CCDC88A: variants seen among roughly 807,000 people sequenced by gnomAD.
CCDC88A encodes coiled-coil and HOOK domain protein 88A.
A neutral mutation model predicts 234.3 loss-of-function variants in CCDC88A; 54 were observed. The observed-to-expected ratio is 0.23, with a 90% confidence interval of 0.19 to 0.29. The LOEUF (loss-of-function observed/expected upper bound fraction) is 0.29, where lower values mean the gene tolerates loss of function less well. CCDC88A is among the 10% of genes least tolerant of loss of function. The pLI is 1.00. For synonymous variants in CCDC88A, 753 were observed against 737.8 expected (o/e 1.02, Z -0.33); for missense variants, 1,832 against 2,123.4 (o/e 0.86, Z 2.70).
chr2:55,378,819 C>T (rs916166209), intron 3 of CCDC88A, among the ~76,000 whole-genome samples: 1 of 151,110 alleles, frequency 6.6e-6, no homozygotes, highest in African/African-American at 2.4e-5. Flanking sequence ...GTTCTTGGCT[C>T]ACTGCAACCT....
intron 2 of CCDC88A, among the ~76,000 whole-genome samples, chr2:55,398,556 A>T (rs1017840277): frequency 3.3e-5 from 5 of 152,114 alleles, no homozygotes; most frequent in African/African-American, 1.2e-4. Flanking sequence ...AGGCCTTTTC[A>T]CCCTAAGGAT....
At chr2:55,295,500 G>A in intron 31 of CCDC88A, 97 bp downstream of exon 31, 1 of 1,605,014 alleles carries the variant, frequency 6.2e-7, no homozygotes, top group Non-Finnish European at 8.5e-7. Flanking sequence ...TAGAGGCTCA[G>A]GCATGTCTAT....
chr2:55,318,621 C>A (rs12105322), intron 19 of CCDC88A, among the ~76,000 whole-genome samples: 13,328 of 151,880 alleles, frequency 0.088, 1,375 homozygotes, highest in African/African-American at 0.25. Flanking sequence ...GGTAGAAAGA[C>A]CATAAATATA....
At chr2:55,324,342 G>T (rs541900114) in intron 17 of CCDC88A, 4 of 152,228 alleles carry the variant, frequency 2.6e-5, no homozygotes, top group African/African-American at 7.2e-5. Flanking sequence ...ATATCAACAT[G>T]ACAGAACACT....
chr2:55,399,402 G>A (rs1678209301), intron 2 of CCDC88A, among the ~76,000 whole-genome samples: 1 of 151,800 alleles, frequency 6.6e-6, no homozygotes, highest in South Asian at 2.1e-4. Flanking sequence ...GGTGGTGGGT[G>A]CCTGTAATCC....
In CCDC88A at chr2:55,372,501, G is replaced by A; in HGVS notation, c.353C>T (p.Thr118Ile). 1.3e-6 allele frequency: 2 copies of A among 1,493,484 alleles called. No homozygotes were observed. Among genetic ancestry groups the A allele is most frequent in the Non-Finnish European group, 1.9e-6 (2 of 1,075,678 alleles). The allele number at this position is 1,493,484 out of a possible 1,614,324, so 92.5% of individuals were successfully genotyped here. Residue 118 changes from threonine (T) to isoleucine (I), a missense_variant, in exon 5 of 33, where the codon ACA (threonine) becomes ATA (isoleucine). Physicochemically the swap from Thr to Ile is moderately conservative, Grantham distance 89. This residue lies in a region of CCDC88A where 84 missense variants were observed against 80.9 expected (regional missense o/e 1.04). Transcript: ENST00000436346. ...IGKNPFSEQGTEEVKKLLLLL... is the reference protein window; with the variant it reads ...IGKNPFSEQGIEEVKKLLLLL... ...TAAAAGCAGTTTTTTAACTTCTTCT[G>A]TGCCTTGTTCTAAAATAGAAACAAT... is the stretch of plus-strand genomic sequence containing the variant.
Position 55,419,397 on chromosome 2 carries a change from A to C in CCDC88A, c.-318T>G. The C allele has an allele frequency of 3.1e-6, 1 of 326,052 alleles. No individual in the cohort carries two copies. 20.2% of individuals were successfully genotyped at this position (326,052 alleles called of 1,614,324 possible). On this transcript the variant is annotated 5_prime_UTR_variant, in exon 1 of 33. Transcript: ENST00000436346. Reference sequence around the variant, plus strand: ...AAAGGGGGCTGGAACCCAAGACAAAAAGCCCGTCAAGGTTGTCCAGCTCCT... The same window carrying C: ...AAAGGGGGCTGGAACCCAAGACAAACAGCCCGTCAAGGTTGTCCAGCTCCT...
intron 3 of CCDC88A, among the ~76,000 whole-genome samples, chr2:55,380,223 G>A (rs998226486): frequency 2.6e-5 from 4 of 151,968 alleles, no homozygotes; most frequent in Non-Finnish European, 2.9e-5. Context: ...GCGACAGAGC[G>A]AGACTCCATC....
At chr2:55,394,930 C>A (rs550588357) in intron 2 of CCDC88A, among the ~76,000 whole-genome samples, 14 of 152,102 alleles carry the variant, frequency 9.2e-5, no homozygotes, top group African/African-American at 3.4e-4. Flanking sequence ...ACTGCAACCT[C>A]CACCTTCTGG....
intron 18 of CCDC88A, among the ~76,000 whole-genome samples, chr2:55,321,573 A>G (rs1289910133): frequency 6.6e-6 from 1 of 152,068 alleles, no homozygotes; most frequent in African/African-American, 2.4e-5. Context: ...AAAAAAACCT[A>G]AATGTCCAGA....
At chr2:55,300,035 A>T in intron 28 of CCDC88A, 116 bp from the exon 29 acceptor site, 1 of 729,236 alleles carries the variant, frequency 1.4e-6, no homozygotes, top group Non-Finnish European at 2.4e-6. Flanking sequence ...CTTTCACAAG[A>T]TGAGCATGCC....
chr2:55,400,839 A>C (rs1360236254), intron 2 of CCDC88A, among the ~76,000 whole-genome samples: 4 of 152,226 alleles, frequency 2.6e-5, no homozygotes, highest in Non-Finnish European at 4.4e-5. Flanking sequence ...ACTGTAACTT[A>C]AAACTATGGT....
At chr2:55,387,176 C>CAAAAAA (rs869311337) in intron 3 of CCDC88A, among the ~76,000 whole-genome samples, 53 of 69,734 alleles carry the variant, frequency 7.6e-4, no homozygotes, top group East Asian at 1.6e-3. Context: ...GATTCCATCT[C>CAAAAAA]AAAAAAAAAA....
intron 2 of CCDC88A, among the ~76,000 whole-genome samples, chr2:55,402,388 T>C (rs1462913826): frequency 1.3e-5 from 2 of 152,190 alleles, no homozygotes; most frequent in Non-Finnish European, 2.9e-5. Context: ...ATAAGAAATA[T>C]GACCGCACAC....
intron 31 of CCDC88A, chr2:55,295,353 G>C (rs974688909): frequency 2.6e-6 from 4 of 1,524,510 alleles, no homozygotes; most frequent in Non-Finnish European, 1.8e-6. Flanking sequence ...GAATGGCTGA[G>C]ATGAATGGGC....
Position 55,335,220 on chromosome 2 carries a change from T to A in CCDC88A, c.1657-56A>T. ...TAATTGAGGAAAAACTAACTATGGT[T>A]TATCTCTTCCAAAAACTACCAAGAA... On this transcript the variant is annotated intron_variant, in intron 14 of 32. Coordinates refer to ENST00000436346, the MANE Select transcript of CCDC88A (RefSeq NM_001365480.1). This position sits in a 1 kb window ranked among gnomAD's most constrained non-coding sequence, Gnocchi z 4.5. 4 of 1,139,744 alleles carry A rather than the reference T, an allele frequency of 3.5e-6. No homozygotes were observed. The highest frequency in any genetic ancestry group is 1.2e-6 in the Non-Finnish European group (1 of 829,600). The allele number at this position is 1,139,744 out of a possible 1,614,324, so 70.6% of individuals were successfully genotyped here. A position where few individuals can be genotyped will look rare whatever the true frequency, so the allele number is the denominator to read the frequency against.
chr2:55,401,447 A>AAATAT (rs1334606165), intron 2 of CCDC88A, among the ~76,000 whole-genome samples: 444 of 27,162 alleles, frequency 0.016, 86 homozygotes, highest in African/African-American at 0.039. Context: ...AAAAAAAAAA[A>AAATAT]ATATATATAT....
chr2:55,397,426 T>A (rs1056737676), intron 2 of CCDC88A: 1 of 152,012 alleles, frequency 6.6e-6, no homozygotes, highest in East Asian at 1.9e-4. Flanking sequence ...ACTAAAAATA[T>A]ATATAAATTT....
Position 55,332,276 on chromosome 2 carries a change from G to A in CCDC88A, c.2855+290C>T, listed in dbSNP as rs1574143803. The stretch of plus-strand genomic sequence containing the variant: ...TGGAATTACAGGCATGCACCACCAT[G>A]CCCAGCTAATTTTTTTTGTATTTTT... On this transcript the variant is annotated intron_variant, in intron 16 of 32. Transcript: ENST00000436346. This position sits in a 1 kb window ranked among gnomAD's most constrained non-coding sequence, Gnocchi z 4.5. 5.5e-6 allele frequency: 1 copy of A among 180,532 alleles called. No individual in the cohort carries two copies. The highest frequency in any genetic ancestry group is 1.6e-4 in the East Asian group (1 of 6,278). The allele number at this position is 180,532 out of a possible 1,614,324, so 11.2% of individuals were successfully genotyped here.
Sources: allele counts gnomAD v4.1 joint callset (sites outside exome capture counted in the v4.1 genomes callset), GRCh38; gene constraint gnomAD v4.1.1; regional missense constraint gnomAD v4.1.1; non-coding constraint Gnocchi (gnomAD v3.1); transcripts MANE v1.5; gene names NCBI Gene and HGNC (gene_info 2026-07-23, HGNC 2026-07-21).